The following RXRG variants were observed in gnomAD, a reference collection of about 807,000 sequenced individuals.
The protein encoded by RXRG is retinoid X receptor gamma.
Under a neutral mutation model 49.2 loss-of-function variants are expected in RXRG, and 19 were observed. The observed-to-expected ratio is 0.39, with a 90% CI of 0.27 to 0.57. The LOEUF (loss-of-function observed/expected upper bound fraction) is 0.57. Among genes scored for constraint, RXRG ranks in the 20% least tolerant of loss-of-function variants. The pLI is 0.64. For missense variants in RXRG, 452 were observed against 592.5 expected (o/e 0.76, Z 2.46); for synonymous variants, 224 against 216.6 (o/e 1.03, Z -0.30).
Position 165,409,674 on chromosome 1 carries a change from C to A in RXRG, c.930G>T (p.Leu310=). 6.5e-7 allele frequency: 1 copy of A among 1,530,898 alleles called. No homozygotes were observed. The highest frequency in any genetic ancestry group is 8.8e-7 in the Non-Finnish European group (1 of 1,140,448). The allele number at this position is 1,530,898 out of a possible 1,614,324, so 94.8% of individuals were successfully genotyped here. A position where few individuals can be genotyped will look rare whatever the true frequency, so the allele number is the denominator to read the frequency against. ...CTGAGCGGTGGGAGAAAGAGGCAAT[C>A]AGCAATTCATTCCACCCTGCAAGGA... ...ILLRAGWNEL[L]IASFSHRSVS... Residue 310 remains leucine (L), a synonymous_variant, in exon 7 of 10, where the codon CTG becomes CTT. Coordinates refer to ENST00000359842, the MANE Select transcript of RXRG (RefSeq NM_006917.5).
At chr1:165,438,898 T>A (rs562165119) in intron 1 of RXRG, among the ~76,000 whole-genome samples, 137 of 152,298 alleles carry the variant, frequency 9.0e-4, no homozygotes, top group African/African-American at 3.0e-3. Context: ...GTAGAAATGT[T>A]AAGCCTATTT....
In RXRG at chr1:165,417,207, C is replaced by T. The variant is rs780556828; in HGVS notation, c.456G>A (p.Gly152=). Residue 152 remains glycine, a synonymous_variant, in exon 4 of 10, where the codon GGG becomes GGA. Transcript: ENST00000359842. The part of the protein sequence containing the change: ...CGDRSSGKHY[G]VYSCEGCKGF... Reference sequence around the variant, plus strand: ...CTTTGCAGCCTTCACAACTGTATACCCCGTAGTGCTTTCCTGGTTAGAAGA... The same window carrying T: ...CTTTGCAGCCTTCACAACTGTATACTCCGTAGTGCTTTCCTGGTTAGAAGA... 4 of 1,608,250 alleles carry T rather than the reference C, an allele frequency of 2.5e-6. No homozygotes were observed.
intron 8 of RXRG, 65 bp downstream of exon 8, chr1:165,408,162 G>C: frequency 8.4e-7 from 1 of 1,188,024 alleles, no homozygotes; most frequent in Non-Finnish European, 1.3e-6. Flanking sequence ...TAACATGGGA[G>C]CACTGGAGGT....
intron 2 of RXRG, among the ~76,000 whole-genome samples, chr1:165,422,184 C>T (rs936262862): frequency 2.2e-4 from 33 of 152,214 alleles, no homozygotes; most frequent in African/African-American, 6.8e-4. Flanking sequence ...GCAGCAACCA[C>T]GGATAGTAAT....
At chr1:165,419,848 GA>G in intron 3 of RXRG, 21 bp downstream of exon 3, 1 of 1,578,312 alleles carries the variant, frequency 6.3e-7, no homozygotes, top group Non-Finnish European at 8.6e-7. Context: ...ACTTTTCAGG[GA>G]GTGTCTGCTT....
At chr1:165,417,302 C>T in intron 3 of RXRG, 82 bp from the exon 4 acceptor site, 2 of 1,330,964 alleles carry the variant, frequency 1.5e-6, no homozygotes, top group Non-Finnish European at 2.1e-6. Context: ...TTGGCTCTTC[C>T]CCCAGAGAAA....
intron 9 of RXRG, among the ~76,000 whole-genome samples, chr1:165,405,606 A>C (rs993919818): frequency 6.6e-6 from 1 of 152,220 alleles, no homozygotes. Context: ...TGCAAAACAC[A>C]GTATGGCTCT....
At chr1:165,412,240 C>A (rs1657977542) in intron 4 of RXRG, among the ~76,000 whole-genome samples, 1 of 152,094 alleles carries the variant, frequency 6.6e-6, no homozygotes, top group South Asian at 2.1e-4. Flanking sequence ...AGTATGACTG[C>A]AAAAACACAA....
At chr1:165,414,160 C>T (rs1003952655) in intron 4 of RXRG, among the ~76,000 whole-genome samples, 8 of 152,210 alleles carry the variant, frequency 5.3e-5, no homozygotes, top group African/African-American at 1.9e-4. Flanking sequence ...TTCCCTTTGT[C>T]AGGGTAAATG....
intron 4 of RXRG, among the ~76,000 whole-genome samples, chr1:165,411,989 C>A (rs1657965846): frequency 1.3e-5 from 2 of 152,134 alleles, no homozygotes; most frequent in African/African-American, 4.8e-5. Flanking sequence ...TTTTACATCC[C>A]CAAAGTCAAG....
chr1:165,420,109 T>G (rs2101723728), intron 2 of RXRG, 95 bp from the exon 3 acceptor site: 1 of 1,013,376 alleles, frequency 9.9e-7, no homozygotes, highest in South Asian at 3.0e-5. Context: ...AAAAACAAGT[T>G]CTATTTCAAG....
chr1:165,440,513 A>C (rs1658950383), intron 1 of RXRG, among the ~76,000 whole-genome samples: 1 of 152,132 alleles, frequency 6.6e-6, no homozygotes, highest in Non-Finnish European at 1.5e-5. Context: ...ATTTCCTTTG[A>C]GCATCATTTT....
intron 3 of RXRG, among the ~76,000 whole-genome samples, chr1:165,418,282 TC>T (rs1287303358): frequency 1.3e-5 from 2 of 152,160 alleles, no homozygotes; most frequent in African/African-American, 4.8e-5. Context: ...CAGACAGGCA[TC>T]ATGAATCAAT....
intron 4 of RXRG, among the ~76,000 whole-genome samples, chr1:165,416,261 G>A (rs1343394711): frequency 2.6e-5 from 4 of 152,016 alleles, no homozygotes; most frequent in African/African-American, 7.2e-5. Flanking sequence ...CCCTGCTTGA[G>A]CTCACTAGTT....
chr1:165,403,149 C>T (rs1011840924), intron 9 of RXRG, among the ~76,000 whole-genome samples: 1 of 152,198 alleles, frequency 6.6e-6, no homozygotes, highest in African/African-American at 2.4e-5. Flanking sequence ...AATTCATCTC[C>T]CATCTGCATG....
At chr1:165,417,973 T>C (rs1000032845) in intron 3 of RXRG, among the ~76,000 whole-genome samples, 3 of 151,762 alleles carry the variant, frequency 2.0e-5, no homozygotes, top group Admixed American at 6.6e-5. Context: ...TAGCCGCGCA[T>C]GGTGGCACAT....
intron 9 of RXRG, among the ~76,000 whole-genome samples, chr1:165,403,759 T>A (rs548245113): frequency 2.6e-4 from 39 of 152,266 alleles, no homozygotes; most frequent in South Asian, 6.2e-4. Flanking sequence ...CTTTAAAAAA[T>A]TTTTTTAACT....
chr1:165,433,507 C>T (rs907687454), intron 1 of RXRG, among the ~76,000 whole-genome samples: 3 of 152,184 alleles, frequency 2.0e-5, no homozygotes, highest in African/African-American at 7.2e-5. Flanking sequence ...ATTATCTTTG[C>T]TCAGGCAATG....
chr1:165,404,550 T>A (rs555443314), intron 9 of RXRG, among the ~76,000 whole-genome samples: 4 of 152,340 alleles, frequency 2.6e-5, no homozygotes, highest in Admixed American at 2.0e-4. Context: ...TTTGTAGTTG[T>A]CAGTAATTGA....
Sources: gnomAD v4.1 joint callset for allele counts (sites outside exome capture counted in the v4.1 genomes callset) on GRCh38, gnomAD v4.1.1 for gene constraint, MANE v1.5 for transcripts, NCBI Gene and HGNC (gene_info 2026-07-23, HGNC 2026-07-21) for gene names.